The following PPARGC1A variants were observed in gnomAD, a reference collection of about 807,000 sequenced individuals.
The protein encoded by PPARGC1A is PPARG coactivator 1 alpha, also known as peroxisome proliferator-activated receptor gamma coactivator 1-alpha.
A neutral mutation model predicts 88.7 loss-of-function variants in PPARGC1A; 25 were observed. The ratio of observed to expected loss-of-function variants is 0.28; its 90% CI spans 0.21 to 0.39. The LOEUF is 0.39. Among genes scored for constraint, PPARGC1A ranks in the 10% least tolerant of loss-of-function variants. The pLI is 1.00. For missense variants in PPARGC1A, 880 were observed against 968.7 expected (o/e 0.91, Z 1.22); for synonymous variants, 363 against 355.6 (o/e 1.02, Z -0.24).
the PPARGC1A span, among the ~76,000 whole-genome samples, chr4:24,290,292 A>G: frequency 6.6e-6 from 1 of 151,814 alleles, no homozygotes. Flanking sequence ...TGTAGTGGTG[A>G]TCTGTGAGAT....
intron 1 of PPARGC1A, among the ~76,000 whole-genome samples, chr4:23,886,894 A>T (rs1234533886): frequency 1.3e-5 from 2 of 152,016 alleles, no homozygotes; most frequent in African/African-American, 4.8e-5. Flanking sequence ...CAAAAATAGC[A>T]ACACAAAAGT....
the PPARGC1A span, among the ~76,000 whole-genome samples, chr4:24,398,440 T>C: frequency 6.6e-6 from 1 of 152,256 alleles, no homozygotes; most frequent in Non-Finnish European, 1.5e-5. Flanking sequence ...GATGTTATAC[T>C]TGGTCTTCTT....
chr4:24,071,909 T>A, the PPARGC1A span, among the ~76,000 whole-genome samples: 9 of 152,262 alleles, frequency 5.9e-5, no homozygotes, highest in East Asian at 1.7e-3. Context: ...TTACTTGCCA[T>A]CAATTCAAAT....
At chr4:24,266,634 G>A in the PPARGC1A span, among the ~76,000 whole-genome samples, 10 of 152,066 alleles carry the variant, frequency 6.6e-5, no homozygotes, top group East Asian at 1.9e-4. Flanking sequence ...GGTAGAGTGC[G>A]GCTTAAGGGC....
At chr4:24,288,910 TGG>T in the PPARGC1A span, among the ~76,000 whole-genome samples, 1 of 152,098 alleles carries the variant, frequency 6.6e-6, no homozygotes, top group Admixed American at 6.5e-5. Context: ...CCTGATGACA[TGG>T]GATCTTACTG....
chr4:24,249,711 A>G, the PPARGC1A span, among the ~76,000 whole-genome samples: 27 of 152,144 alleles, frequency 1.8e-4, no homozygotes, highest in Non-Finnish European at 3.1e-4. Flanking sequence ...GAAATCAGAG[A>G]ACTGAGTCTG....
chr4:24,319,336 G>T, the PPARGC1A span, among the ~76,000 whole-genome samples: 9 of 152,146 alleles, frequency 5.9e-5, no homozygotes, highest in Admixed American at 5.9e-4. Context: ...GACAGAGTGA[G>T]ACCCTACCTC....
At chr4:23,921,256 C>T in the PPARGC1A span, among the ~76,000 whole-genome samples, 1 of 152,156 alleles carries the variant, frequency 6.6e-6, no homozygotes, top group East Asian at 1.9e-4. Flanking sequence ...CTCTTGTCCT[C>T]GGATAACCAA....
the PPARGC1A span, among the ~76,000 whole-genome samples, chr4:24,329,886 T>G: frequency 1.3e-5 from 2 of 152,164 alleles, no homozygotes; most frequent in African/African-American, 4.8e-5. Context: ...TCATCTTAAA[T>G]GTGCACAAAC....
chr4:24,122,584 T>C, the PPARGC1A span, among the ~76,000 whole-genome samples: 8 of 152,010 alleles, frequency 5.3e-5, no homozygotes, highest in African/African-American at 1.9e-4. Flanking sequence ...CATAAGGTAC[T>C]GAGAAAAGAA....
At chr4:23,822,277 C>T (rs886814229) in intron 7 of PPARGC1A, among the ~76,000 whole-genome samples, 1 of 152,082 alleles carries the variant, frequency 6.6e-6, no homozygotes, top group Admixed American at 6.6e-5. Context: ...GCTCCATCAA[C>T]ATCTTCTCTC....
the PPARGC1A span, among the ~76,000 whole-genome samples, chr4:23,977,485 A>C: frequency 4.7e-3 from 710 of 152,364 alleles, 16 homozygotes; most frequent in Admixed American, 0.035. Flanking sequence ...AATTCTTAGG[A>C]AAGTTGTCTA....
At chr4:23,909,410 T>A in the PPARGC1A span, among the ~76,000 whole-genome samples, 2 of 152,176 alleles carry the variant, frequency 1.3e-5, no homozygotes, top group Non-Finnish European at 2.9e-5. Flanking sequence ...GAAACCTGCG[T>A]GGATGCCAAT....
chr4:24,060,664 T>C, the PPARGC1A span, among the ~76,000 whole-genome samples: 3 of 152,232 alleles, frequency 2.0e-5, no homozygotes, highest in African/African-American at 7.2e-5. Context: ...TCTTACACAT[T>C]CAGATTGTCA....
At position 23,884,829 on chromosome 4, in the gene PPARGC1A, C is replaced by A. The variant is rs971433900; in HGVS notation, c.157G>T (p.Gly53Cys). The change falls in exon 2 of 13, where the codon GGT becomes TGT. Residue 53 changes from glycine (G) to cysteine (C), a missense_variant. Gly to Cys is a radical substitution (Grantham distance 159). Coordinates refer to ENST00000264867, the MANE Select transcript of PPARGC1A (RefSeq NM_013261.5). ...TGGTCACTGCACCACTTGAGTCCAC[C>A]CAGAAAGCTGTCTGTATCCAAGTCG... ...VNDLDTDSFL[G>C]GLKWCSDQSE... 6.2e-7 allele frequency: 1 copy of A among 1,613,736 alleles called. No homozygotes were observed. The highest frequency in any genetic ancestry group is 1.3e-5 in the African/African-American group (1 of 74,876).
chr4:24,031,112 T>C, the PPARGC1A span, among the ~76,000 whole-genome samples: 3 of 152,256 alleles, frequency 2.0e-5, no homozygotes, highest in Admixed American at 6.5e-5. Context: ...TTGCTCCATT[T>C]GGCTCTTTAC....
the PPARGC1A span, among the ~76,000 whole-genome samples, chr4:24,056,909 A>C: frequency 0.89 from 135,738 of 152,124 alleles, 60,609 homozygotes; most frequent in Admixed American, 0.94. Flanking sequence ...CGAAAAATTA[A>C]AAATTGAATT....
upstream of PPARGC1A, among the ~76,000 whole-genome samples, chr4:23,901,113 A>G (rs2148880510): frequency 6.6e-6 from 1 of 152,132 alleles, no homozygotes; most frequent in East Asian, 1.9e-4. Flanking sequence ...CATGCCTGTA[A>G]TCCCAGCACT....
At chr4:24,219,020 C>G in the PPARGC1A span, among the ~76,000 whole-genome samples, 3 of 152,178 alleles carry the variant, frequency 2.0e-5, no homozygotes, top group Non-Finnish European at 1.5e-5. Flanking sequence ...TAAACTTCTT[C>G]AGATTAAAAC....
Sources: gnomAD v4.1 joint callset for allele counts (sites outside exome capture counted in the v4.1 genomes callset) on GRCh38, gnomAD v4.1.1 for gene constraint, MANE v1.5 for transcripts, NCBI Gene and HGNC (gene_info 2026-07-23, HGNC 2026-07-21) for gene names.